STX19: variants seen among roughly 807,000 people sequenced by gnomAD.
The protein encoded by STX19 is syntaxin 19.
STX19 carries 26 observed loss-of-function variants against 24.3 expected under a neutral mutation model. That is an observed-to-expected ratio of 1.07 (90% CI 0.78 to 1.48). STX19 has a LOEUF of 1.48. STX19 is among the 40% of genes most tolerant of loss of function. STX19 has a pLI of 0.00. For missense variants in STX19, 367 were observed against 331.9 expected, an observed-to-expected ratio of 1.11 and a Z score of -0.82; for synonymous variants, 116 against 106.9, an observed-to-expected ratio of 1.09 and a Z score of -0.52.
intron 1 of STX19, among the ~76,000 whole-genome samples, chr3:94,016,934 C>T (rs1399680353): frequency 6.6e-6 from 1 of 152,112 alleles, no homozygotes; most frequent in Non-Finnish European, 1.5e-5. Context: ...TGTGAGCCAC[C>T]GCTCCCAGCC....
At chr3:94,016,555 A>G (rs2076336714) in intron 1 of STX19, among the ~76,000 whole-genome samples, 1 of 152,222 alleles carries the variant, frequency 6.6e-6, no homozygotes, top group South Asian at 2.1e-4. Flanking sequence ...TCATCTAGCT[A>G]TAAGAAAAAT....
At chr3:94,016,923 G>A (rs930737602) in intron 1 of STX19, among the ~76,000 whole-genome samples, 3 of 152,176 alleles carry the variant, frequency 2.0e-5, no homozygotes, top group African/African-American at 2.4e-5. Context: ...GGGATTACAG[G>A]TGTGAGCCAC....
In STX19 at chr3:94,014,383, C is replaced by T. The variant is rs1242870547; in HGVS notation, c.*2G>A. 1.3e-6 allele frequency: 2 copies of T among 1,516,028 alleles called. No homozygotes were observed. Among genetic ancestry groups the T allele is most frequent in the Admixed American group, 4.9e-5 (2 of 40,668 alleles). 93.9% of individuals were successfully genotyped at this position (1,516,028 alleles called of 1,614,324 possible). A position where few individuals can be genotyped will look rare whatever the true frequency, so the allele number is the denominator to read the frequency against. ...GCTGGAAAAAGTTTTAAAATAGCTTCTTTATTTTGAGCTACAGCATGGACA... is the reference window on the plus strand; with the variant it reads ...GCTGGAAAAAGTTTTAAAATAGCTTTTTTATTTTGAGCTACAGCATGGACA... On this transcript the variant is annotated 3_prime_UTR_variant, in exon 2 of 2. Transcript: ENST00000315099.
chr3:94,014,685 A>C lies in STX19; in HGVS notation c.585T>G (p.Asn195Lys). ...MLHQGKWEVF[N>K]ESLLTEINIT... ...TATTGATTTCTGTAAGTAAGCTTTC[A>C]TTAAAAACTTCCCATTTTCCTTGAT... Residue 195 changes from asparagine (N) to lysine (K), a missense_variant, in exon 2 of 2, where the codon AAT becomes AAG. Transcript: ENST00000315099. The C allele has an allele frequency of 6.2e-7, 1 of 1,613,374 alleles. No homozygotes were observed. The highest frequency in any genetic ancestry group is 8.5e-7 in the Non-Finnish European group (1 of 1,179,888).
intron 1 of STX19, 143 bp from the exon 2 acceptor site, chr3:94,015,425 T>A (rs2076311080): frequency 1.9e-6 from 1 of 535,202 alleles, no homozygotes; most frequent in South Asian, 4.6e-5. Flanking sequence ...AAAAAACCAA[T>A]GAGTTTCCTC....
intron 1 of STX19, among the ~76,000 whole-genome samples, chr3:94,019,081 C>CT (rs34175007): frequency 1.3e-5 from 2 of 150,908 alleles, no homozygotes; most frequent in African/African-American, 2.4e-5. Flanking sequence ...TCATTCTTGA[C>CT]TTTTTTTTTC....
In STX19 at chr3:94,014,685, A is replaced by G. The variant is rs911345423; in HGVS notation, c.585T>C (p.Asn195=). 4 of 1,613,374 alleles carry G rather than the reference A, an allele frequency of 2.5e-6. No homozygotes were observed. Among genetic ancestry groups the G allele is most frequent in the Non-Finnish European group, 3.4e-6 (4 of 1,179,888 alleles). Residue 195 remains asparagine (N), a synonymous_variant, in exon 2 of 2, where the codon AAT becomes AAC. Transcript: ENST00000315099. The stretch of plus-strand genomic sequence containing the variant: ...TATTGATTTCTGTAAGTAAGCTTTC[A>G]TTAAAAACTTCCCATTTTCCTTGAT... ...MLHQGKWEVF[N]ESLLTEINIT... is the part of the protein sequence containing the mutation.
Position 94,014,626 on chromosome 3 carries a change from C to G in STX19, c.644G>C (p.Arg215Thr), listed in dbSNP as rs781279403. Residue 215 changes from arginine to threonine, a missense_variant, in exon 2 of 2, where the codon AGA becomes ACA. By Grantham distance (71) the Arg-to-Thr change is moderately conservative (BLOSUM62 -1). Transcript: ENST00000315099. ...TKAQLSEIEQ[R>T]HKELVNLENQ... is the part of the protein sequence containing the mutation. ...CTCCAAATTAACAAGTTCCTTGTGT[C>G]TCTGTTCAATCTCTGAAAGTTGTGC... is the stretch of plus-strand genomic sequence containing the variant. The G allele has an allele frequency of 1.2e-6, 2 of 1,613,488 alleles. No individual in the cohort carries two copies. The highest frequency in any genetic ancestry group is 1.1e-5 in the South Asian group (1 of 90,952).
intron 1 of STX19, among the ~76,000 whole-genome samples, chr3:94,019,015 T>G (rs1204999836): frequency 6.6e-6 from 1 of 152,244 alleles, no homozygotes; most frequent in African/African-American, 2.4e-5. Flanking sequence ...ATCCGCCCTC[T>G]TCGGCCTCCC....
intron 1 of STX19, among the ~76,000 whole-genome samples, chr3:94,020,202 T>G (rs1023303863): frequency 3.3e-5 from 5 of 152,180 alleles, no homozygotes; most frequent in Admixed American, 2.6e-4. Context: ...TTGATGAGTC[T>G]TATATTTACT....
chr3:94,025,782 C>G (rs2076544000), intron 1 of STX19, among the ~76,000 whole-genome samples: 1 of 152,094 alleles, frequency 6.6e-6, no homozygotes, highest in African/African-American at 2.4e-5. Flanking sequence ...TATCTCACTT[C>G]CTGCTATAAT....
intron 1 of STX19, among the ~76,000 whole-genome samples, chr3:94,015,744 T>A (rs2107494024): frequency 6.6e-6 from 1 of 152,282 alleles, no homozygotes; most frequent in Admixed American, 6.5e-5. Context: ...TTAAAACCAT[T>A]GTAGTGACAG....
In STX19 at chr3:94,015,217, G is replaced by T. The variant is rs941844684; in HGVS notation, c.53C>A (p.Ser18Tyr). The T allele has an allele frequency of 1.3e-6, 2 of 1,596,122 alleles. No homozygotes were observed. The highest frequency in any genetic ancestry group is 1.7e-6 in the Non-Finnish European group (2 of 1,175,134). ...TGTAGTTGATACATGACTGTCTCTAGAGAGTTCAATTTCCTTTGTTCTCTG... is the reference window on the plus strand; with the variant it reads ...TGTAGTTGATACATGACTGTCTCTATAGAGTTCAATTTCCTTTGTTCTCTG... ...LKQRTKEIEL[S>Y]RDSHVSTTET... The change falls in exon 2 of 2, where the codon TCT becomes TAT. Residue 18 changes from serine (S) to tyrosine (Y), a missense_variant. Ser to Tyr is a moderately radical substitution (Grantham distance 144). Coordinates refer to ENST00000315099, the MANE Select transcript of STX19 (RefSeq NM_001001850.3).
chr3:94,014,476 T>C lies in STX19; in HGVS notation c.794A>G (p.Lys265Arg), dbSNP rs755079186. 3 of 1,607,786 alleles carry C rather than the reference T, an allele frequency of 1.9e-6. No individual in the cohort carries two copies. Among genetic ancestry groups the C allele is most frequent in the Admixed American group, 3.4e-5 (2 of 58,632 alleles). ...TTTTACAGCTAGTCCAAATTTCTCT[T>C]TAGTATTGTTAACATACTCTTTTGT... The part of the protein sequence containing the change: ...NSTKEYVNNT[K>R]EKFGLAVKYK... Residue 265 changes from lysine to arginine, a missense_variant, in exon 2 of 2, where the codon AAA becomes AGA. By Grantham distance (26) the Lys-to-Arg change is conservative (BLOSUM62 2). Coordinates refer to ENST00000315099, the MANE Select transcript of STX19 (RefSeq NM_001001850.3).
intron 1 of STX19, 144 bp from the exon 2 acceptor site, chr3:94,015,426 G>T: frequency 3.8e-6 from 2 of 529,388 alleles, no homozygotes; most frequent in East Asian, 3.1e-5. Flanking sequence ...AAAAACCAAT[G>T]AGTTTCCTCA....
chr3:94,018,975 A>G (rs1316813237), intron 1 of STX19, among the ~76,000 whole-genome samples: 3 of 152,030 alleles, frequency 2.0e-5, no homozygotes, highest in African/African-American at 7.2e-5. Flanking sequence ...CATGTTGGCC[A>G]GGCTGGTCGC....
At position 94,014,990 on chromosome 3, in the gene STX19, T is replaced by C. The variant is rs148513515; in HGVS notation, c.280A>G (p.Ile94Val). 1.9e-6 allele frequency: 3 copies of C among 1,613,972 alleles called. No individual in the cohort carries two copies. The African/African-American group carries it at 4.0e-5, about 22-fold the overall frequency. Residue 94 changes from isoleucine (I) to valine (V), a missense_variant, in exon 2 of 2, where the codon ATT (isoleucine) becomes GTT (valine). Transcript: ENST00000315099. ...RFSLLKREST[I>V]TKEIKIQAEY... The stretch of plus-strand genomic sequence containing the variant: ...GCCTGAATTTTTATCTCCTTTGTAA[T>C]GGTAGACTCTCTCTTAAGTAGACTA...
intron 1 of STX19, among the ~76,000 whole-genome samples, chr3:94,018,033 T>C (rs546741625): frequency 6.6e-6 from 1 of 152,272 alleles, no homozygotes; most frequent in East Asian, 1.9e-4. Context: ...TGACATGATT[T>C]GTATATATTT....
At chr3:94,025,890 C>A (rs2076545673) in intron 1 of STX19, among the ~76,000 whole-genome samples, 1 of 152,120 alleles carries the variant, frequency 6.6e-6, no homozygotes, top group Admixed American at 6.6e-5. Flanking sequence ...GTTTTAGTTC[C>A]CTATAATGCA....
Sources: gnomAD v4.1 joint callset for allele counts (sites outside exome capture counted in the v4.1 genomes callset) on GRCh38, gnomAD v4.1.1 for gene constraint, MANE v1.5 for transcripts, NCBI Gene and HGNC (gene_info 2026-07-23, HGNC 2026-07-21) for gene names.